The following ANK2 variants were observed in gnomAD, a reference collection of about 807,000 sequenced individuals.
ANK2 encodes ankyrin-2.
Under a neutral mutation model 360.5 loss-of-function variants are expected in ANK2, and 83 were observed. The ratio of observed to expected loss-of-function variants is 0.23; its 90% CI spans 0.19 to 0.28. The LOEUF is 0.28. Among genes scored for constraint, ANK2 ranks in the 10% least tolerant of loss-of-function variants. The pLI is 1.00. For missense variants in ANK2, 4,201 were observed against 4,795.7 expected (o/e 0.88, Z 3.66); for synonymous variants, 1,740 against 1,759.5 (o/e 0.99, Z 0.28).
rs1057523607 is a variant in ANK2, at chr4:113,358,487, C to T, written c.9869C>T (p.Ala3290Val). Residue 3290 changes from alanine (A) to valine (V), a missense_variant, in exon 38 of 46, where the codon GCA becomes GTA. Around this residue, in one of 4 missense-constraint regions of ANK2, gnomAD observed 2,642 missense variants for 2,714.5 expected, o/e 0.97. Coordinates refer to ENST00000357077, the MANE Select transcript of ANK2 (RefSeq NM_001148.6). ...AAATCAGTAATCGAGATTCCTACTGCACCCATGGAGAATGTGCCTTTTACT... is the reference window on the plus strand; with the variant it reads ...AAATCAGTAATCGAGATTCCTACTGTACCCATGGAGAATGTGCCTTTTACT... ...EQKSVIEIPTAPMENVPFTES... is the reference protein window; with the variant it reads ...EQKSVIEIPTVPMENVPFTES... 6.2e-7 allele frequency: 1 copy of T among 1,614,116 alleles called. No individual in the cohort carries two copies. Among genetic ancestry groups the T allele is most frequent in the Non-Finnish European group, 8.5e-7 (1 of 1,179,980 alleles).
intron 2 of ANK2, among the ~76,000 whole-genome samples, chr4:112,959,207 T>C (rs6833019): frequency 0.18 from 27,149 of 152,070 alleles, 2,878 homozygotes; most frequent in East Asian, 0.39. Flanking sequence ...GGGCTTTTAG[T>C]GTACTCATCA....
chr4:112,935,516 G>A (rs1361526365), intron 2 of ANK2, among the ~76,000 whole-genome samples: 4 of 152,088 alleles, frequency 2.6e-5, no homozygotes, highest in African/African-American at 4.8e-5. Flanking sequence ...CACACAATAA[G>A]CATAACAATG....
At chr4:113,218,259 T>C (rs748580738) in intron 4 of ANK2, among the ~76,000 whole-genome samples, 40 of 152,226 alleles carry the variant, frequency 2.6e-4, no homozygotes, top group Non-Finnish European at 5.1e-4. Flanking sequence ...AATAGCATTA[T>C]AATTCTGACG....
At chr4:113,038,133 A>G (rs2062009982) in intron 2 of ANK2, among the ~76,000 whole-genome samples, 1 of 151,922 alleles carries the variant, frequency 6.6e-6, no homozygotes, top group African/African-American at 2.4e-5. Context: ...TTACGAGGTC[A>G]TATAGATGTT....
chr4:113,048,080 G>A (rs971637150), upstream of ANK2, among the ~76,000 whole-genome samples: 2 of 150,834 alleles, frequency 1.3e-5, no homozygotes, highest in Non-Finnish European at 3.0e-5. Flanking sequence ...ATTTCAAAGT[G>A]CATTTATATA....
At chr4:112,803,961 C>T in the ANK2 span, among the ~76,000 whole-genome samples, 2 of 151,696 alleles carry the variant, frequency 1.3e-5, no homozygotes, top group Admixed American at 1.3e-4. Flanking sequence ...TATAATGAAG[C>T]CCCTTATATA....
In ANK2 at chr4:113,348,277, A is replaced by G. The variant is rs72544141; in HGVS notation, c.4373A>G (p.Glu1458Gly). The part of the protein sequence containing the change: ...LNITLPIYTK[E>G]SESDQEQEEE... ...TGCATGGCATCTTGGGGCGGAAAGG[A>G]ATCAGAGTCAGATCAAGAACAGGAG... is the stretch of plus-strand genomic sequence containing the variant. The change falls in exon 36 of 46, where the codon GAA (glutamate) becomes GGA (glycine). Residue 1458 changes from glutamate to glycine, a missense_variant and splice_region_variant. Around this residue, in one of 4 missense-constraint regions of ANK2, gnomAD observed 1,268 missense variants for 1,650.8 expected, o/e 0.77. Coordinates refer to ENST00000357077, the MANE Select transcript of ANK2 (RefSeq NM_001148.6). 1,202 of 1,613,402 alleles carry G rather than the reference A, an allele frequency of 7.5e-4. 2 individuals carry two copies. Among genetic ancestry groups the G allele is most frequent in the Admixed American group, 2.2e-3 (131 of 59,966 alleles).
chr4:113,318,831 C>T (rs1463193844), intron 26 of ANK2, among the ~76,000 whole-genome samples: 1 of 152,146 alleles, frequency 6.6e-6, no homozygotes, highest in African/African-American at 2.4e-5. Flanking sequence ...ATTAAAAAAA[C>T]TGACTATTGT....
rs577221568 is a variant in ANK2, at chr4:113,344,634, C to A, written c.4249-1266C>A. Among the ~76,000 whole-genome samples, 3 of 152,182 alleles carry A rather than the reference C, an allele frequency of 2.0e-5. No individual in the cohort carries two copies. In the East Asian group the frequency reaches 5.8e-4, roughly 29 times the overall value. On this transcript the variant is annotated intron_variant, in intron 34 of 45. Transcript: ENST00000357077. The stretch of plus-strand genomic sequence containing the variant: ...GCCATGGTAGCCAAAATGGAAACAA[C>A]CCAAAAGTCCAAAGGTCCACAAACA...
rs1351509081 is a variant in ANK2 at position 113,214,038 on chromosome 4, T to C, written c.384+14929T>C. 2.9e-5 allele frequency: 19 copies of C among 647,800 alleles called. 1 individual carries two copies. The highest frequency in any genetic ancestry group is 5.3e-6 in the Non-Finnish European group (2 of 375,672). 40.1% of individuals were successfully genotyped at this position (647,800 alleles called of 1,614,324 possible). On this transcript the variant is annotated intron_variant, in intron 4 of 45. Transcript: ENST00000357077. ...TAGCCTGTCTTCAGTCTTTAAGAAC[T>C]CAGCTCCTTACATGGGCTTTGGTGG...
chr4:113,176,815 A>G (rs889578938), intron 2 of ANK2, among the ~76,000 whole-genome samples: 3 of 152,026 alleles, frequency 2.0e-5, no homozygotes, highest in East Asian at 1.9e-4. Context: ...GGTGTGTGAT[A>G]TTCCCTTTCC....
At chr4:113,181,108 C>A (rs1322573685) in intron 2 of ANK2, among the ~76,000 whole-genome samples, 1 of 152,156 alleles carries the variant, frequency 6.6e-6, no homozygotes, top group Non-Finnish European at 1.5e-5. Context: ...TACTTGCCCC[C>A]AGCTCTAAAA....
chr4:112,897,418 A>C (rs1293516588), intron 1 of ANK2, among the ~76,000 whole-genome samples: 1 of 152,218 alleles, frequency 6.6e-6, no homozygotes, highest in African/African-American at 2.4e-5. Context: ...AGTTATTTGC[A>C]TACATGGTTA....
chr4:112,724,566 C>CACACACAG, the ANK2 span, among the ~76,000 whole-genome samples: 2 of 151,192 alleles, frequency 1.3e-5, no homozygotes, highest in South Asian at 4.2e-4. Flanking sequence ...TACACACACA[C>CACACACAG]ACACACACAC....
At position 113,381,769 on chromosome 4, in the gene ANK2, C is replaced by T. The variant is rs762399367; in HGVS notation, c.*298C>T. On this transcript the variant is annotated 3_prime_UTR_variant, in exon 46 of 46. Transcript: ENST00000357077. ...GACATTTCCACTGTTAGCAAATATA[C>T]GGCATTTTGCTTTAGTTTTCCCCCA... 170 of 995,052 alleles carry T rather than the reference C, an allele frequency of 1.7e-4. No individual in the cohort carries two copies. Among genetic ancestry groups the T allele is most frequent in the South Asian group, 6.0e-4 (38 of 62,876 alleles). The allele number at this position is 995,052 out of a possible 1,614,324, so 61.6% of individuals were successfully genotyped here.
chr4:113,169,989 G>A (rs1284601129), intron 1 of ANK2, among the ~76,000 whole-genome samples: 2 of 152,078 alleles, frequency 1.3e-5, no homozygotes, highest in African/African-American at 4.8e-5. Context: ...TTTGACTCCA[G>A]TAAAAATAAT....
chr4:113,053,031 T>C (rs1272659007), intron 1 of ANK2, among the ~76,000 whole-genome samples: 1 of 152,236 alleles, frequency 6.6e-6, no homozygotes, highest in East Asian at 1.9e-4. Context: ...TGGTATTTTG[T>C]GTCTTGGACA....
chr4:112,748,375 C>G, the ANK2 span, among the ~76,000 whole-genome samples: 1 of 152,164 alleles, frequency 6.6e-6, no homozygotes, highest in Non-Finnish European at 1.5e-5. Flanking sequence ...AGACTTGAGC[C>G]TGCTATGGAA....
rs1288623675 is a variant in ANK2 at position 113,261,913 on chromosome 4, C to T, written c.1387-2984C>T. On this transcript the variant is annotated intron_variant, in intron 13 of 45. Transcript: ENST00000357077. ...TTAAAAAATAAACATGAAGGCCAAGCGTGGTGGTGGATGCCTGTAATCCCA... is the reference window on the plus strand; with the variant it reads ...TTAAAAAATAAACATGAAGGCCAAGTGTGGTGGTGGATGCCTGTAATCCCA... 2.0e-5 allele frequency among the ~76,000 whole-genome samples: 3 copies of T among 152,078 alleles called. No homozygotes were observed. In the East Asian group the frequency reaches 5.8e-4, roughly 29 times the overall value.
Sources: gnomAD v4.1 joint callset for allele counts (sites outside exome capture counted in the v4.1 genomes callset) on GRCh38, gnomAD v4.1.1 for gene constraint, gnomAD v4.1.1 regional missense constraint, MANE v1.5 for transcripts, NCBI Gene and HGNC (gene_info 2026-07-23, HGNC 2026-07-21) for gene names.